Variants in LRRK1 observed in about 807,000 individuals in gnomAD.
LRRK1 encodes the protein leucine rich repeat kinase 1, also known as leucine-rich repeat serine/threonine-protein kinase 1.
In LRRK1, 113 loss-of-function variants were observed where a neutral mutation model predicts 209.1. That is an observed-to-expected ratio of 0.54 (90% CI 0.46 to 0.63). The LOEUF (loss-of-function observed/expected upper bound fraction) is 0.63, where lower values mean the gene tolerates loss of function less well. Among genes scored for constraint, LRRK1 ranks in the 30% least tolerant of loss-of-function variants. The pLI is 0.00. For missense variants in LRRK1, 2,284 were observed against 2,632.2 expected, an observed-to-expected ratio of 0.87 and a Z score of 2.89; for synonymous variants, 1,144 against 1,099.7, an observed-to-expected ratio of 1.04 and a Z score of -0.80.
At chr15:101,049,537 C>G (rs1445443869) in intron 22 of LRRK1, 107 bp from the exon 23 acceptor site, 9 of 1,316,312 alleles carry the variant, frequency 6.8e-6, no homozygotes, top group Non-Finnish European at 9.4e-6. Flanking sequence ...GGCACAGAGT[C>G]TCTCCAGGTC....
intron 2 of LRRK1, among the ~76,000 whole-genome samples, chr15:100,942,449 G>A (rs1448190976): frequency 1.3e-5 from 2 of 152,038 alleles, no homozygotes; most frequent in Admixed American, 6.6e-5. Context: ...TAAAAAGTAG[G>A]GTCCTTACAA....
Position 101,022,612 on chromosome 15 carries a change from G to C in LRRK1, c.2067+15G>C. ...CGAGAGCCAAGGTCAAGGATGGTCT[G>C]CGTGCAGAGTCCCTGTGGGTGGGAG... On this transcript the variant is annotated intron_variant, in intron 15 of 33. Coordinates refer to ENST00000388948, the MANE Select transcript of LRRK1 (RefSeq NM_024652.6). The surrounding 1 kb of genome is among the most constrained non-coding windows in gnomAD (Gnocchi z 4.0). The C allele has an allele frequency of 6.4e-7, 1 of 1,563,650 alleles. No homozygotes were observed. Among genetic ancestry groups the C allele is most frequent in the African/African-American group, 1.3e-5 (1 of 74,394 alleles).
At chr15:100,956,455 C>CTTTTTCTTTT in intron 2 of LRRK1, among the ~76,000 whole-genome samples, 2 of 60,534 alleles carry the variant, frequency 3.3e-5, no homozygotes, top group African/African-American at 1.7e-4. Flanking sequence ...TTTTTTTTTT[C>CTTTTTCTTTT]TTTTTTTTTT....
At chr15:100,981,405 C>A (rs1252409217) in intron 3 of LRRK1, among the ~76,000 whole-genome samples, 3 of 152,180 alleles carry the variant, frequency 2.0e-5, no homozygotes, top group Non-Finnish European at 4.4e-5. Context: ...GGCAGAGTGG[C>A]AGGTGGGTGG....
At position 101,022,693 on chromosome 15, in the gene LRRK1, C is replaced by G; in HGVS notation, c.2067+96C>G. On this transcript the variant is annotated intron_variant, in intron 15 of 33. Transcript: ENST00000388948. This position sits in a 1 kb window ranked among gnomAD's most constrained non-coding sequence, Gnocchi z 4.0. ...CCCAGAGAGCCCAGGATTTTCTCAG[C>G]CTGGTGTCCAAAGCTCAGGCCCTTT... The G allele has an allele frequency of 1.1e-6, 1 of 896,118 alleles. No homozygotes were observed. Among genetic ancestry groups the G allele is most frequent in the Non-Finnish European group, 1.7e-6 (1 of 595,074 alleles). The allele number at this position is 896,118 out of a possible 1,614,324, so 55.5% of individuals were successfully genotyped here.
chr15:100,966,596 A>G (rs2030476629), intron 2 of LRRK1, among the ~76,000 whole-genome samples: 1 of 152,234 alleles, frequency 6.6e-6, no homozygotes, highest in Non-Finnish European at 1.5e-5. Context: ...AGGAAATTAA[A>G]TGAGATTGGC....
rs567564265 is a variant in LRRK1 at position 101,055,284 on chromosome 15, C to G, written c.4332+61C>G. On this transcript the variant is annotated intron_variant, in intron 27 of 33. Coordinates refer to ENST00000388948, the MANE Select transcript of LRRK1 (RefSeq NM_024652.6). ...GTAGGAGCCCAGCCCTCAGGCTAGC[C>G]GGGCAGTCCTGGAGGCACCTGAAGC... 2.9e-5 allele frequency: 43 copies of G among 1,463,752 alleles called. 1 individual carries two copies. The African/African-American group carries it at 6.1e-4, about 21-fold the overall frequency. 90.7% of individuals were successfully genotyped at this position (1,463,752 alleles called of 1,614,324 possible).
intron 20 of LRRK1, among the ~76,000 whole-genome samples, chr15:101,031,660 T>C (rs564292211): frequency 8.5e-5 from 13 of 152,252 alleles, no homozygotes; most frequent in African/African-American, 3.1e-4. Context: ...AAGTTTAATT[T>C]TATAAGAAAT....
At chr15:100,934,677 C>T (rs980759771) in intron 2 of LRRK1, among the ~76,000 whole-genome samples, 5 of 148,796 alleles carry the variant, frequency 3.4e-5, no homozygotes, top group Admixed American at 2.7e-4. Flanking sequence ...AGGCACACAC[C>T]TGTGGTCCCA....
intron 20 of LRRK1, among the ~76,000 whole-genome samples, chr15:101,029,443 G>A (rs1035721941): frequency 7.0e-6 from 1 of 142,394 alleles, no homozygotes; most frequent in African/African-American, 3.1e-5. Context: ...CTGTGCCACG[G>A]GCTTCTCTGT....
rs2036516295 is a variant in LRRK1 at position 101,066,095 on chromosome 15, T to C, written c.5658T>C (p.Ala1886=). ...CAGACATGCTACATACGCCCGGTGC[T>C]GCCTCCGACAGGTCTGAGCATGACC... is the stretch of plus-strand genomic sequence containing the variant. ...EDSDMLHTPG[A]ASDRSEHDLT... is the part of the protein sequence containing the mutation. The change falls in exon 32 of 34, where the codon GCT becomes GCC. Residue 1886 remains alanine (A), a synonymous_variant. Transcript: ENST00000388948. 6.2e-7 allele frequency: 1 copy of C among 1,614,168 alleles called. No individual in the cohort carries two copies.
intron 29 of LRRK1, among the ~76,000 whole-genome samples, chr15:101,059,814 G>T (rs1452046754): frequency 6.6e-6 from 1 of 152,206 alleles, no homozygotes; most frequent in Non-Finnish European, 1.5e-5. Context: ...GTGAACCAGG[G>T]CTCATCAGAA....
intron 2 of LRRK1, among the ~76,000 whole-genome samples, chr15:100,930,368 A>G (rs1333549429): frequency 2.6e-5 from 4 of 152,182 alleles, no homozygotes; most frequent in South Asian, 2.1e-4. Flanking sequence ...TTATTAGGCC[A>G]TACACACCTG....
chr15:101,044,660 G>C (rs941909452), intron 20 of LRRK1, among the ~76,000 whole-genome samples: 1 of 152,194 alleles, frequency 6.6e-6, no homozygotes, highest in Non-Finnish European at 1.5e-5. Context: ...ACCGCACATC[G>C]TGCTGGGACG....
chr15:101,025,043 C>T, intron 16 of LRRK1, 76 bp downstream of exon 16: 1 of 1,399,216 alleles, frequency 7.1e-7, no homozygotes, highest in Non-Finnish European at 9.6e-7. Flanking sequence ...CTCAAGCATC[C>T]CCTGTACTGA....
At chr15:100,993,105 A>G (rs2032235776) in intron 6 of LRRK1, among the ~76,000 whole-genome samples, 2 of 152,202 alleles carry the variant, frequency 1.3e-5, no homozygotes, top group Non-Finnish European at 2.9e-5. Context: ...AAAAGCAATA[A>G]AATACCTGTC....
At chr15:100,964,650 A>G (rs60886643) in intron 2 of LRRK1, among the ~76,000 whole-genome samples, 71,960 of 152,180 alleles carry the variant, frequency 0.47, 19,119 homozygotes, top group South Asian at 0.62. Context: ...ATGCAATAAA[A>G]TAAAGTCATG....
intron 24 of LRRK1, among the ~76,000 whole-genome samples, chr15:101,052,232 C>G (rs1028367947): frequency 2.0e-4 from 30 of 152,234 alleles, no homozygotes; most frequent in Non-Finnish European, 3.5e-4. Context: ...ACGGCTCCCC[C>G]TTCCCCTCGT....
intron 2 of LRRK1, among the ~76,000 whole-genome samples, chr15:100,937,795 A>G (rs2042329671): frequency 1.3e-5 from 2 of 151,970 alleles, no homozygotes; most frequent in African/African-American, 4.8e-5. Flanking sequence ...TCGGCCTCCC[A>G]AAGTGCTGGG....
Sources: gnomAD v4.1 joint callset for allele counts (sites outside exome capture counted in the v4.1 genomes callset) on GRCh38, gnomAD v4.1.1 for gene constraint, Gnocchi (gnomAD v3.1) non-coding constraint, MANE v1.5 for transcripts, NCBI Gene and HGNC (gene_info 2026-07-23, HGNC 2026-07-21) for gene names.